UBE3A: variants seen among roughly 807,000 people sequenced by gnomAD.
UBE3A encodes ubiquitin protein ligase E3A.
Under a neutral mutation model 83.4 loss-of-function variants are expected in UBE3A, and 6 were observed. That is an observed-to-expected ratio of 0.07 (90% CI 0.04 to 0.14). UBE3A has a LOEUF of 0.14. Ranked by LOEUF, UBE3A falls within the 10% of genes least tolerant of loss-of-function variation. UBE3A has a pLI of 1.00. For missense variants in UBE3A, 456 were observed against 1,036.1 expected, an observed-to-expected ratio of 0.44 and a Z score of 7.69; for synonymous variants, 337 against 355.4, an observed-to-expected ratio of 0.95 and a Z score of 0.58.
At chr15:25,389,314 CAAAAT>C (rs1337447377) in intron 4 of UBE3A, among the ~76,000 whole-genome samples, 2 of 147,656 alleles carry the variant, frequency 1.4e-5, no homozygotes, top group Non-Finnish European at 3.0e-5. Context: ...AAAATAAACT[CAAAAT>C]AAACCAGAGA....
intron 4 of UBE3A, among the ~76,000 whole-genome samples, chr15:25,397,595 T>G (rs753104234): frequency 2.6e-5 from 4 of 152,156 alleles, no homozygotes; most frequent in Non-Finnish European, 5.9e-5. Context: ...CATGCAACCC[T>G]TTTATGTGAC....
At position 25,408,346 on chromosome 15, in the gene UBE3A, G is replaced by A. The variant is rs1306281645; in HGVS notation, c.20+742C>T. 1.0e-5 allele frequency: 5 copies of A among 496,730 alleles called. No individual in the cohort carries two copies. The Admixed American group carries it at 1.7e-4, about 17-fold the overall frequency. The allele number at this position is 496,730 out of a possible 1,614,324, so 30.8% of individuals were successfully genotyped here. On this transcript the variant is annotated intron_variant, in intron 3 of 12. Transcript: ENST00000648336. ...GGAAGTAAGAATCCTGTATGTGCTT[G>A]TAAATGCAGAACATATAACCTAATT...
chr15:25,367,214 T>TAAATATTTGCATATTTGTAAATATGC (rs2079342656), intron 6 of UBE3A, among the ~76,000 whole-genome samples: 1 of 81,220 alleles, frequency 1.2e-5, no homozygotes, highest in Non-Finnish European at 2.1e-5. Context: ...TGTAAATATG[T>TAAATATTTGCATATTTGTAAATATGC]AAATATTTAC....
At chr15:25,403,999 CAG>C (rs539297544) in intron 4 of UBE3A, among the ~76,000 whole-genome samples, 5 of 152,106 alleles carry the variant, frequency 3.3e-5, no homozygotes, top group African/African-American at 9.7e-5. Context: ...TTCTGCAAAA[CAG>C]AGAGTTCTGA....
intron 4 of UBE3A, among the ~76,000 whole-genome samples, chr15:25,385,386 C>G (rs541948484): frequency 1.3e-5 from 2 of 152,124 alleles, no homozygotes; most frequent in East Asian, 3.9e-4. Context: ...TCAATTAAAA[C>G]TGCAATGATA....
chr15:25,409,772 C>G (rs2089527778), intron 2 of UBE3A, among the ~76,000 whole-genome samples: 1 of 152,104 alleles, frequency 6.6e-6, no homozygotes, highest in Non-Finnish European at 1.5e-5. Flanking sequence ...GATTCCTAAG[C>G]TGATAGAGCA....
rs911468660 is a variant in UBE3A, at chr15:25,338,925, T to C, written c.*212A>G. 4.2e-5 allele frequency: 14 copies of C among 332,422 alleles called. No individual in the cohort carries two copies. The highest frequency in any genetic ancestry group is 2.4e-4 in the African/African-American group (11 of 46,376). The allele number at this position is 332,422 out of a possible 1,614,324, so 20.6% of individuals were successfully genotyped here. The stretch of plus-strand genomic sequence containing the variant: ...TAATAATAAAGGATTTGTTCATATA[T>C]GTAGCTGAAATCTGCTGTTCCAGCC... On this transcript the variant is annotated 3_prime_UTR_variant, in exon 13 of 13. Transcript: ENST00000648336.
At chr15:25,406,043 A>T (rs1198093252) in intron 3 of UBE3A, among the ~76,000 whole-genome samples, 4 of 152,228 alleles carry the variant, frequency 2.6e-5, no homozygotes, top group African/African-American at 4.8e-5. Context: ...TTCACACTAA[A>T]AGAACAGAGC....
At chr15:25,355,862 GAC>G in intron 9 of UBE3A, 28 bp downstream of exon 9, 1 of 1,595,392 alleles carries the variant, frequency 6.3e-7, no homozygotes, top group Non-Finnish European at 8.6e-7. Flanking sequence ...TTAATGAAGA[GAC>G]AAAATGTGAC....
intron 4 of UBE3A, among the ~76,000 whole-genome samples, chr15:25,385,222 C>T (rs2082903249): frequency 6.6e-6 from 1 of 152,042 alleles, no homozygotes; most frequent in Admixed American, 6.5e-5. Flanking sequence ...GGTTAATATC[C>T]AGAATATATA....
intron 4 of UBE3A, among the ~76,000 whole-genome samples, chr15:25,401,463 G>A: frequency 6.6e-6 from 1 of 152,138 alleles, no homozygotes; most frequent in East Asian, 1.9e-4. Context: ...ATATTTTTAT[G>A]ACTGATACAA....
intron 6 of UBE3A, 102 bp from the exon 7 acceptor site, chr15:25,360,629 T>G: frequency 7.1e-7 from 1 of 1,410,604 alleles, no homozygotes; most frequent in Non-Finnish European, 9.6e-7. Context: ...ATACAAATTT[T>G]TGACTTTTTG....
In UBE3A at chr15:25,354,063, C is replaced by G; in HGVS notation, c.2354+290G>C. 6.6e-6 allele frequency: 3 copies of G among 454,538 alleles called. No homozygotes were observed. In the South Asian group the frequency reaches 8.0e-5, roughly 12 times the overall value. The allele number at this position is 454,538 out of a possible 1,614,324, so 28.2% of individuals were successfully genotyped here. On this transcript the variant is annotated intron_variant, in intron 11 of 12. Transcript: ENST00000648336. ...GACATGGTAGCCTTATTTTAATTAT[C>G]TTCTAACCAGCAGTAAGCATACTCT...
chr15:25,375,395 A>T, intron 5 of UBE3A, 70 bp downstream of exon 5: 2 of 1,536,424 alleles, frequency 1.3e-6, no homozygotes, highest in Non-Finnish European at 1.8e-6. Context: ...AAACAAATAA[A>T]AACTAATACA....
At position 25,340,174 on chromosome 15, in the gene UBE3A, CAAG is replaced by C. The variant is rs1555380820; in HGVS notation, c.2406_2408del (p.Phe802del). Reference sequence around the variant, plus strand: ...CTCTGTCTGTGCCCGTTGTAAACTGCAAGAAGAGTCTTTTCTGTTCATCTGTAA... The same window carrying C: ...CTCTGTCTGTGCCCGTTGTAAACTGCAAGAGTCTTTTCTGTTCATCTGTAA... On this transcript the variant is annotated inframe_deletion, in exon 12 of 13. Transcript: ENST00000648336. 6.2e-7 allele frequency: 1 copy of C among 1,613,998 alleles called. No homozygotes were observed. Among genetic ancestry groups the C allele is most frequent in the Non-Finnish European group, 8.5e-7 (1 of 1,179,964 alleles).
intron 1 of UBE3A, among the ~76,000 whole-genome samples, chr15:25,435,976 T>C (rs1207262913): frequency 6.6e-6 from 1 of 152,222 alleles, no homozygotes; most frequent in Non-Finnish European, 1.5e-5. Context: ...GCGTTTTACA[T>C]ACTTTAAGCC....
intron 4 of UBE3A, among the ~76,000 whole-genome samples, chr15:25,382,515 T>C (rs1038241081): frequency 9.3e-5 from 14 of 151,054 alleles, no homozygotes; most frequent in South Asian, 2.1e-4. Flanking sequence ...AATCAACAAA[T>C]TAACTTTACA....
At chr15:25,380,699 G>A (rs1242786155) in intron 4 of UBE3A, among the ~76,000 whole-genome samples, 1 of 152,114 alleles carries the variant, frequency 6.6e-6, no homozygotes, top group African/African-American at 2.4e-5. Context: ...ATTCCTAGAA[G>A]AGGAACAACA....
At chr15:25,362,973 C>T (rs929641787) in intron 6 of UBE3A, among the ~76,000 whole-genome samples, 2 of 152,140 alleles carry the variant, frequency 1.3e-5, no homozygotes. Context: ...TAGATGAGAG[C>T]TGACTCCTTA....
Sources: gnomAD v4.1 joint callset for allele counts (sites outside exome capture counted in the v4.1 genomes callset) on GRCh38, gnomAD v4.1.1 for gene constraint, MANE v1.5 for transcripts, NCBI Gene and HGNC (gene_info 2026-07-23, HGNC 2026-07-21) for gene names.